CA10: variants seen among roughly 807,000 people sequenced by gnomAD.
The protein encoded by CA10 is carbonic anhydrase-related protein 10.
CA10 carries 14 observed loss-of-function variants against 44.2 expected under a neutral mutation model. That is an observed-to-expected ratio of 0.32 (90% CI 0.21 to 0.50). The LOEUF (loss-of-function observed/expected upper bound fraction) is 0.50. Among genes scored for constraint, CA10 ranks in the 20% least tolerant of loss-of-function variants. The pLI, the probability that CA10 is intolerant of heterozygous loss-of-function variation, is 0.99. For missense variants in CA10, 350 were observed against 409.7 expected (o/e 0.85, Z 1.26); for synonymous variants, 159 against 141.6 (o/e 1.12, Z -0.87).
chr17:52,067,504 G>T (rs138939632), intron 2 of CA10, among the ~76,000 whole-genome samples: 1 of 152,210 alleles, frequency 6.6e-6, no homozygotes, highest in Non-Finnish European at 1.5e-5. Context: ...AGGGAAATGC[G>T]GGGTGCGAAC....
chr17:51,746,889 GTTA>G (rs1275211921), intron 4 of CA10, among the ~76,000 whole-genome samples: 1 of 152,190 alleles, frequency 6.6e-6, no homozygotes, highest in Non-Finnish European at 1.5e-5. Context: ...CCTAACATCA[GTTA>G]TTGAGGACTC....
intron 4 of CA10, among the ~76,000 whole-genome samples, chr17:51,667,512 C>T (rs368597938): frequency 5.9e-5 from 9 of 151,796 alleles, no homozygotes; most frequent in East Asian, 3.9e-4. Context: ...TTTCCCTATC[C>T]GTAAATTGGA....
intron 1 of CA10, among the ~76,000 whole-genome samples, chr17:52,108,437 G>A (rs1050737133): frequency 2.0e-5 from 3 of 151,488 alleles, no homozygotes; most frequent in East Asian, 1.9e-4. Flanking sequence ...AGTGGCTCAC[G>A]CCTGTAATCC....
intron 6 of CA10, among the ~76,000 whole-genome samples, chr17:51,642,353 C>A (rs367582448): frequency 2.0e-5 from 3 of 152,202 alleles, no homozygotes; most frequent in Non-Finnish European, 4.4e-5. Context: ...TTTAACACCA[C>A]GTCCCTCTGA....
chr17:51,920,345 G>A (rs1045453704), intron 3 of CA10, among the ~76,000 whole-genome samples: 1 of 152,032 alleles, frequency 6.6e-6, no homozygotes, highest in African/African-American at 2.4e-5. Flanking sequence ...GACAGGGAAA[G>A]AGACACAGGG....
At chr17:52,116,505 T>C (rs1988900746) in intron 1 of CA10, among the ~76,000 whole-genome samples, 2 of 152,100 alleles carry the variant, frequency 1.3e-5, no homozygotes, top group East Asian at 1.9e-4. Context: ...CCTATTAACA[T>C]GGGTGAAAGC....
intron 3 of CA10, among the ~76,000 whole-genome samples, chr17:51,900,966 T>C (rs925041076): frequency 6.6e-6 from 1 of 152,192 alleles, no homozygotes; most frequent in Non-Finnish European, 1.5e-5. Context: ...CTCCTGTATC[T>C]CAATGATCTT....
intron 4 of CA10, among the ~76,000 whole-genome samples, chr17:51,722,443 C>T (rs1916377346): frequency 6.6e-6 from 1 of 152,170 alleles, no homozygotes; most frequent in Non-Finnish European, 1.5e-5. Context: ...ATATGGGTAT[C>T]CTGTAATCTG....
At chr17:51,706,051 A>T (rs1915753547) in intron 4 of CA10, among the ~76,000 whole-genome samples, 1 of 152,196 alleles carries the variant, frequency 6.6e-6, no homozygotes, top group African/African-American at 2.4e-5. Flanking sequence ...GTCTGGTTGA[A>T]GTCATAGTTC....
At chr17:51,852,757 C>G (rs1202178666) in intron 3 of CA10, among the ~76,000 whole-genome samples, 1 of 152,164 alleles carries the variant, frequency 6.6e-6, no homozygotes, top group African/African-American at 2.4e-5. Context: ...AAGAACTCCA[C>G]TCACAGTGTT....
intron 2 of CA10, among the ~76,000 whole-genome samples, chr17:51,945,190 T>C (rs76887343): frequency 2.4e-4 from 37 of 152,260 alleles, no homozygotes; most frequent in African/African-American, 8.9e-4. Context: ...GGCTGATGAA[T>C]CCATTCCAAT....
rs28571897 is a variant in CA10, at chr17:52,157,711, C to G, written c.61+15G>C. On this transcript the variant is annotated intron_variant, in intron 1 of 8. Transcript: ENST00000451037. Reference sequence around the variant, plus strand: ...CATAATCCAAATCAGCCAGTGACTTCGGCGCGTCCCGTACCTGATATGCAG... The same window carrying G: ...CATAATCCAAATCAGCCAGTGACTTGGGCGCGTCCCGTACCTGATATGCAG... The G allele has an allele frequency of 3.1e-6, 5 of 1,612,716 alleles. No individual in the cohort carries two copies. The African/African-American group carries it at 6.7e-5, about 22-fold the overall frequency.
chr17:52,003,835 A>G (rs565460498), intron 2 of CA10, among the ~76,000 whole-genome samples: 3 of 152,088 alleles, frequency 2.0e-5, no homozygotes, highest in East Asian at 3.9e-4. Flanking sequence ...GAGCTAATCA[A>G]ATTAGTATCT....
At chr17:51,845,515 T>C (rs1978454143) in intron 3 of CA10, among the ~76,000 whole-genome samples, 2 of 152,210 alleles carry the variant, frequency 1.3e-5, no homozygotes, top group Non-Finnish European at 2.9e-5. Flanking sequence ...AGAAACTGTG[T>C]GAAACTAAAT....
intron 2 of CA10, among the ~76,000 whole-genome samples, chr17:51,934,795 G>T (rs550719989): frequency 6.6e-6 from 1 of 152,282 alleles, no homozygotes; most frequent in East Asian, 1.9e-4. Context: ...AGTCAGTGCT[G>T]TTAGGAGCGG....
intron 3 of CA10, among the ~76,000 whole-genome samples, chr17:51,784,141 G>C (rs1339145011): frequency 2.6e-5 from 4 of 152,304 alleles, no homozygotes; most frequent in South Asian, 2.1e-4. Context: ...AAGCAAACCA[G>C]ACAGCTTCAG....
intron 3 of CA10, among the ~76,000 whole-genome samples, chr17:51,928,095 A>C (rs1982503334): frequency 6.6e-6 from 1 of 152,130 alleles, no homozygotes; most frequent in Non-Finnish European, 1.5e-5. Context: ...AATTTTACTA[A>C]TTTTGGATAC....
intron 2 of CA10, among the ~76,000 whole-genome samples, chr17:51,993,656 T>A (rs926180041): frequency 6.6e-6 from 1 of 152,066 alleles, no homozygotes; most frequent in Non-Finnish European, 1.5e-5. Context: ...TAACTCAAGG[T>A]CTTCCAAATC....
intron 4 of CA10, among the ~76,000 whole-genome samples, chr17:51,670,246 C>G (rs1914366369): frequency 6.6e-6 from 1 of 152,206 alleles, no homozygotes; most frequent in Admixed American, 6.5e-5. Flanking sequence ...AGGAGAGTTT[C>G]CCATGTGCCA....
Sources: allele counts gnomAD v4.1 joint callset (sites outside exome capture counted in the v4.1 genomes callset), GRCh38; gene constraint gnomAD v4.1.1; transcripts MANE v1.5; gene names NCBI Gene and HGNC (gene_info 2026-07-23, HGNC 2026-07-21).